The following ELF4 variants were observed in gnomAD, a reference collection of about 807,000 sequenced individuals.
The protein encoded by ELF4 is ETS-related transcription factor Elf-4.
ELF4 carries 10 observed loss-of-function variants against 31.7 expected under a neutral mutation model. The ratio of observed to expected loss-of-function variants is 0.32; its 90% CI spans 0.19 to 0.54. The LOEUF is 0.54. Among genes scored for constraint, ELF4 ranks in the 20% least tolerant of loss-of-function variants. The pLI, the probability that ELF4 is intolerant of heterozygous loss-of-function variation, is 0.95. For missense variants in ELF4, 418 were observed against 522.0 expected (o/e 0.80, Z 1.94); for synonymous variants, 208 against 226.7 (o/e 0.92, Z 0.74).
chrX:130,111,572 T>C (rs1933490679), upstream of ELF4, among the ~76,000 whole-genome samples: 1 of 112,039 alleles, frequency 8.9e-6, no homozygotes, highest in Non-Finnish European at 1.9e-5. Context: ...CGGCGACTTC[T>C]TAGGGAAGTC....
intron 2 of ELF4, among the ~76,000 whole-genome samples, chrX:130,079,058 T>A (rs1932863537): frequency 9.0e-6 from 1 of 110,949 alleles, no homozygotes; most frequent in South Asian, 3.8e-4. Context: ...TAAAAAGGTA[T>A]AAAAAGATGC....
At chrX:130,081,136 A>G in intron 2 of ELF4, 120 bp downstream of exon 2, 2 of 860,621 alleles carry the variant, frequency 2.3e-6, no homozygotes, top group Non-Finnish European at 3.5e-6. Context: ...TAGGTGCTTG[A>G]TGGATATTTG....
rs969447768 is a variant in ELF4 at position 130,080,785 on chromosome X, A to C, written c.75+471T>G. Among the ~76,000 whole-genome samples, 4 of 111,469 alleles carry C rather than the reference A, an allele frequency of 3.6e-5. No homozygotes were observed. In the South Asian group the frequency reaches 1.1e-3, roughly 31 times the overall value. On this transcript the variant is annotated intron_variant, in intron 2 of 8. Coordinates refer to ENST00000308167, the MANE Select transcript of ELF4 (RefSeq NM_001421.4). Reference sequence around the variant, plus strand: ...TCCTCAGGCTGGGGCCAAAAAGACGACTCTGAAAATGTCAGGGCCTGGACA... The same window carrying C: ...TCCTCAGGCTGGGGCCAAAAAGACGCCTCTGAAAATGTCAGGGCCTGGACA...
At chrX:130,107,201 C>T (rs1023839933) in intron 1 of ELF4, among the ~76,000 whole-genome samples, 1 of 111,562 alleles carries the variant, frequency 9.0e-6, no homozygotes, top group African/African-American at 3.3e-5. Context: ...ATGCTTGGGC[C>T]TGGGAGGCAG....
At chrX:130,098,403 G>C (rs746165323) in intron 1 of ELF4, among the ~76,000 whole-genome samples, 1 of 111,558 alleles carries the variant, frequency 9.0e-6, no homozygotes, top group Non-Finnish European at 1.9e-5. Flanking sequence ...AGGCTGAAAG[G>C]CACTGCAAGT....
chrX:130,104,332 C>T (rs1933338451), intron 1 of ELF4, among the ~76,000 whole-genome samples: 1 of 103,201 alleles, frequency 9.7e-6, no homozygotes, highest in African/African-American at 3.6e-5. Context: ...TCTATTACAT[C>T]CTTTCCCTAT....
rs1032043739 is a variant in ELF4, at chrX:130,066,586, C to G, written c.*135G>C. On this transcript the variant is annotated 3_prime_UTR_variant, in exon 9 of 9. Transcript: ENST00000308167. ...ACTGTTTGGCCACAGTGACACCAGGCAGGGCCGGGGGACTTGGGGTCAAGT... is the reference window on the plus strand; with the variant it reads ...ACTGTTTGGCCACAGTGACACCAGGGAGGGCCGGGGGACTTGGGGTCAAGT... The G allele has an allele frequency of 4.4e-5, 30 of 680,095 alleles. No homozygotes were observed. Among genetic ancestry groups the G allele is most frequent in the Non-Finnish European group, 6.6e-5 (29 of 436,300 alleles). 56.0% of individuals were successfully genotyped at this position (680,095 alleles called of 1,213,427 possible).
At chrX:130,111,743 C>T (rs1244000471), upstream of ELF4, among the ~76,000 whole-genome samples, 1 of 112,206 alleles carries the variant, frequency 8.9e-6, no homozygotes, top group Non-Finnish European at 1.9e-5. Flanking sequence ...CTGTCCAAAG[C>T]CAGGCTGCTC....
rs769062893 is a variant in ELF4 at position 130,079,412 on chromosome X, T to C, written c.75+1844A>G. Among the ~76,000 whole-genome samples the C allele has an allele frequency of 4.5e-5, 5 of 111,071 alleles. No individual in the cohort carries two copies. The South Asian group carries it at 1.9e-3, about 42-fold the overall frequency. Reference sequence around the variant, plus strand: ...GGCAGAGGTGGCAGCGAACCCAGATTGTGCTACTGTGCTGGAACCTGGGTG... The same window carrying C: ...GGCAGAGGTGGCAGCGAACCCAGATCGTGCTACTGTGCTGGAACCTGGGTG... On this transcript the variant is annotated intron_variant, in intron 2 of 8. Transcript: ENST00000308167.
At chrX:130,095,204 G>A (rs1019552528) in intron 1 of ELF4, among the ~76,000 whole-genome samples, 3 of 112,003 alleles carry the variant, frequency 2.7e-5, no homozygotes, top group African/African-American at 9.7e-5. Context: ...GTGCTACACC[G>A]TCCCTGCAAA....
At position 130,067,089 on chromosome X, in the gene ELF4, TCAG is replaced by T; in HGVS notation, c.1621_1623del (p.Leu541del). Reference sequence around the variant, plus strand: ...ATACCCTGAACATAGGAGGAGGACCTCAGTGGCCCCTCCTTGACCCTAGGGGCT... The same window carrying T: ...ATACCCTGAACATAGGAGGAGGACCTTGGCCCCTCCTTGACCCTAGGGGCT... On this transcript the variant is annotated inframe_deletion, in exon 9 of 9. Transcript: ENST00000308167. The T allele has an allele frequency of 8.3e-7, 1 of 1,207,887 alleles. No individual in the cohort carries two copies. Among genetic ancestry groups the T allele is most frequent in the Non-Finnish European group, 1.1e-6 (1 of 892,756 alleles).
chrX:130,093,439 T>C (rs1933093727), intron 1 of ELF4, among the ~76,000 whole-genome samples: 1 of 112,045 alleles, frequency 8.9e-6, no homozygotes, highest in African/African-American at 3.2e-5. Flanking sequence ...CAGGAAACTC[T>C]CACATTCCAT....
chrX:130,107,322 C>T (rs906549778), intron 1 of ELF4, among the ~76,000 whole-genome samples: 2 of 109,490 alleles, frequency 1.8e-5, no homozygotes, highest in Non-Finnish European at 3.8e-5. Flanking sequence ...TGTTCCTTTC[C>T]CTCTCATTCA....
intron 1 of ELF4, among the ~76,000 whole-genome samples, chrX:130,088,447 C>G (rs1339820897): frequency 1.8e-5 from 2 of 111,280 alleles, no homozygotes; most frequent in Non-Finnish European, 3.8e-5. Context: ...TGCGGTGGCT[C>G]ATGCCTATAA....
chrX:130,104,779 G>A (rs759564231), intron 1 of ELF4, among the ~76,000 whole-genome samples: 1 of 111,994 alleles, frequency 8.9e-6, no homozygotes, highest in African/African-American at 3.2e-5. Context: ...GGGTCACACT[G>A]GAAGAGGAAA....
rs142525782 is a variant in ELF4 at position 130,090,967 on chromosome X, C to T, written c.-209-9428G>A. ...AGCTGGAACTACACGTGCACGCCAC[C>T]GTGCCCGGCTAACTTTTTGTATTTT... On this transcript the variant is annotated intron_variant, in intron 1 of 8. Coordinates refer to ENST00000308167, the MANE Select transcript of ELF4 (RefSeq NM_001421.4). 4.5e-5 allele frequency among the ~76,000 whole-genome samples: 5 copies of T among 111,315 alleles called. No individual in the cohort carries two copies. In the East Asian group the frequency reaches 1.4e-3, roughly 32 times the overall value.
At chrX:130,099,376 C>G (rs1933206204) in intron 1 of ELF4, among the ~76,000 whole-genome samples, 1 of 111,421 alleles carries the variant, frequency 9.0e-6, no homozygotes, top group African/African-American at 3.3e-5. Context: ...GAGTTCAAGA[C>G]CAACCTGGCT....
chrX:130,079,197 T>C (rs1018694173), intron 2 of ELF4, among the ~76,000 whole-genome samples: 1 of 110,240 alleles, frequency 9.1e-6, no homozygotes, highest in Middle Eastern at 4.7e-3. Context: ...GTGGCTCACG[T>C]CTGTAATCCC....
rs148398815 is a variant in ELF4, at chrX:130,090,640, A to G, written c.-209-9101T>C. Among the ~76,000 whole-genome samples, 98 of 111,556 alleles carry G rather than the reference A, an allele frequency of 8.8e-4. 1 individual carries two copies. Among genetic ancestry groups the G allele is most frequent in the African/African-American group, 3.2e-3 (97 of 30,731 alleles). On this transcript the variant is annotated intron_variant, in intron 1 of 8. Coordinates refer to ENST00000308167, the MANE Select transcript of ELF4 (RefSeq NM_001421.4). ...GGCACACTCTCTCCTCCTCCTCATGACACCTTAGCTTTACTTCTTAGACCA... is the reference window on the plus strand; with the variant it reads ...GGCACACTCTCTCCTCCTCCTCATGGCACCTTAGCTTTACTTCTTAGACCA...
Sources: gnomAD v4.1 joint callset for allele counts (sites outside exome capture counted in the v4.1 genomes callset) on GRCh38, gnomAD v4.1.1 for gene constraint, MANE v1.5 for transcripts, NCBI Gene and HGNC (gene_info 2026-07-23, HGNC 2026-07-21) for gene names.